BORCS5: variants seen among roughly 807,000 people sequenced by gnomAD.
BORCS5 encodes the protein BLOC-1 related complex subunit 5, also known as BLOC-1-related complex subunit 5.
BORCS5 carries 17 observed loss-of-function variants against 22.1 expected under a neutral mutation model. The ratio of observed to expected loss-of-function variants is 0.77; its 90% CI spans 0.53 to 1.15. The LOEUF is 1.15. Among genes scored for constraint, BORCS5 ranks in the 50% most tolerant of loss-of-function variants. BORCS5 has a pLI of 0.00. For missense variants in BORCS5, 247 were observed against 253.2 expected (o/e 0.98, Z 0.17); for synonymous variants, 117 against 99.8 (o/e 1.17, Z -1.03).
chr12:12,381,372 G>A (rs888670348), intron 2 of BORCS5, among the ~76,000 whole-genome samples: 3 of 151,394 alleles, frequency 2.0e-5, no homozygotes, highest in Non-Finnish European at 4.4e-5. Context: ...ATTACTTTGT[G>A]TGTGTTGTGT....
intron 3 of BORCS5, among the ~76,000 whole-genome samples, chr12:12,440,659 TGC>T (rs1942665975): frequency 6.7e-6 from 1 of 149,854 alleles, no homozygotes; most frequent in East Asian, 1.9e-4. Context: ...GGGGCATTGC[TGC>T]AGGGGAACAG....
chr12:12,471,156 A>G lies in BORCS5; in HGVS notation c.*5380A>G, dbSNP rs1341289198. The stretch of plus-strand genomic sequence containing the variant: ...GATTCTAGTGTTTGAGCTGGAACCA[A>G]AAGAATGAAACTGTTTTTACATAAG... On this transcript the variant is annotated 3_prime_UTR_variant, in exon 4 of 4. Coordinates refer to ENST00000314565, the MANE Select transcript of BORCS5 (RefSeq NM_058169.6). 1.3e-5 allele frequency among the ~76,000 whole-genome samples: 2 copies of G among 152,236 alleles called. No individual in the cohort carries two copies.
intron 3 of BORCS5, among the ~76,000 whole-genome samples, chr12:12,449,833 C>T (rs116158577): frequency 0.028 from 4,274 of 152,104 alleles, 198 homozygotes; most frequent in African/African-American, 0.095. Context: ...AATAAGGAGC[C>T]GGGGAAGGTT....
At chr12:12,401,113 A>G (rs966483885) in intron 2 of BORCS5, among the ~76,000 whole-genome samples, 4 of 152,174 alleles carry the variant, frequency 2.6e-5, no homozygotes, top group African/African-American at 9.7e-5. Flanking sequence ...TTTGCAGTGG[A>G]CATCTTTGTA....
chr12:12,448,758 A>G (rs1027189917), intron 3 of BORCS5, among the ~76,000 whole-genome samples: 7 of 149,012 alleles, frequency 4.7e-5, no homozygotes, highest in Non-Finnish European at 8.9e-5. Context: ...CAAACTCCTG[A>G]CCTAGTGATC....
In BORCS5 at chr12:12,366,293, C is replaced by A. The variant is rs538257313; in HGVS notation, c.202+4944C>A. Among the ~76,000 whole-genome samples the A allele has an allele frequency of 2.0e-5, 3 of 152,288 alleles. No individual in the cohort carries two copies. In the South Asian group the frequency reaches 6.2e-4, roughly 32 times the overall value. ...TTTCATAATGTCATATGATGTAATG[C>A]TAATGCTGGTGGGTGATCTGCAGAG... On this transcript the variant is annotated intron_variant, in intron 2 of 3. Coordinates refer to ENST00000314565, the MANE Select transcript of BORCS5 (RefSeq NM_058169.6).
intron 2 of BORCS5, among the ~76,000 whole-genome samples, chr12:12,369,712 C>CTTTTTTTTTTTTTTTTTTTTTTTT (rs71061052): frequency 2.3e-5 from 1 of 42,952 alleles, no homozygotes; most frequent in African/African-American, 9.8e-5. Context: ...CCCCCCACTT[C>CTTTTTTTTTTTTTTTTTTTTTTTT]TTTTTTTTTT....
intron 2 of BORCS5, among the ~76,000 whole-genome samples, chr12:12,377,332 C>T (rs1863678523): frequency 6.6e-6 from 1 of 152,072 alleles, no homozygotes; most frequent in African/African-American, 2.4e-5. Flanking sequence ...GCGCGCACCA[C>T]CATGCCTGGC....
chr12:12,409,799 C>G (rs1241065099), intron 2 of BORCS5, among the ~76,000 whole-genome samples: 1 of 151,126 alleles, frequency 6.6e-6, no homozygotes, highest in African/African-American at 2.4e-5. Flanking sequence ...CCTGAGGAAT[C>G]GCCACACTGA....
intron 2 of BORCS5, among the ~76,000 whole-genome samples, chr12:12,407,000 G>C (rs908278559): frequency 1.3e-5 from 2 of 152,162 alleles, no homozygotes; most frequent in Non-Finnish European, 2.9e-5. Flanking sequence ...CAAGTGGCCT[G>C]TTCTTCCAGG....
At chr12:12,377,245 T>C (rs1350953789) in intron 2 of BORCS5, among the ~76,000 whole-genome samples, 1 of 151,742 alleles carries the variant, frequency 6.6e-6, no homozygotes, top group Non-Finnish European at 1.5e-5. Context: ...TGGTGTGATC[T>C]TGGCTCACTG....
At chr12:12,424,962 C>T (rs777281541) in intron 2 of BORCS5, among the ~76,000 whole-genome samples, 1 of 152,192 alleles carries the variant, frequency 6.6e-6, no homozygotes, top group African/African-American at 2.4e-5. Context: ...GTCACTTCAG[C>T]GTGAGTGGGA....
intron 2 of BORCS5, among the ~76,000 whole-genome samples, chr12:12,362,066 A>G (rs1863298626): frequency 6.6e-6 from 1 of 152,218 alleles, no homozygotes. Flanking sequence ...TAATGAACAT[A>G]AGGCCCTGGT....
intron 3 of BORCS5, among the ~76,000 whole-genome samples, chr12:12,464,835 C>G (rs775294376): frequency 6.6e-6 from 1 of 151,338 alleles, no homozygotes; most frequent in Non-Finnish European, 1.5e-5. Flanking sequence ...GTTGTAAGGA[C>G]GGGAGCCTTG....
In BORCS5 at chr12:12,467,661, T is replaced by A. The variant is rs1717001703; in HGVS notation, c.*1885T>A. On this transcript the variant is annotated 3_prime_UTR_variant, in exon 4 of 4. Coordinates refer to ENST00000314565, the MANE Select transcript of BORCS5 (RefSeq NM_058169.6). ...AAGAATTCTAGTTAGTTTAATATTT[T>A]GATGGCATGTTGTGGTTTCTGCAGT... 1 of 152,250 alleles carries A rather than the reference T, an allele frequency of 6.6e-6. No homozygotes were observed. Among genetic ancestry groups the A allele is most frequent in the Non-Finnish European group, 1.5e-5 (1 of 68,050 alleles). 9.4% of individuals were successfully genotyped at this position (152,250 alleles called of 1,614,324 possible).
chr12:12,449,248 G>A lies in BORCS5; in HGVS notation c.360+13463G>A, dbSNP rs562277913. The stretch of plus-strand genomic sequence containing the variant: ...GAAAGGGCTGGGGTGCTTGGTTACA[G>A]ACGGGGCCTTTTCCAGGAGGCAAAA... On this transcript the variant is annotated intron_variant, in intron 3 of 3. Transcript: ENST00000314565. Among the ~76,000 whole-genome samples, 15 of 152,312 alleles carry A rather than the reference G, an allele frequency of 9.8e-5. No individual in the cohort carries two copies. The South Asian group carries it at 3.1e-3, about 32-fold the overall frequency.
At chr12:12,406,633 AAAAC>A (rs547270027) in intron 2 of BORCS5, among the ~76,000 whole-genome samples, 3 of 105,452 alleles carry the variant, frequency 2.8e-5, no homozygotes, top group South Asian at 4.7e-4. Context: ...AAAAAACCAA[AAAAC>A]AAACAAACAA....
chr12:12,446,934 T>C (rs1942801542), intron 3 of BORCS5, among the ~76,000 whole-genome samples: 1 of 152,192 alleles, frequency 6.6e-6, no homozygotes, highest in South Asian at 2.1e-4. Flanking sequence ...TTATATCAAA[T>C]GCAGCCAGAC....
chr12:12,392,045 CA>C (rs61408318), intron 2 of BORCS5, among the ~76,000 whole-genome samples: 13,927 of 66,900 alleles, frequency 0.21, 596 homozygotes, highest in African/African-American at 0.28. Context: ...GACTTCATTT[CA>C]AAAAAAAAAA....
Sources: allele counts gnomAD v4.1 joint callset (sites outside exome capture counted in the v4.1 genomes callset), GRCh38; gene constraint gnomAD v4.1.1; transcripts MANE v1.5; gene names NCBI Gene and HGNC (gene_info 2026-07-23, HGNC 2026-07-21).